The following SWT1 variants were observed in gnomAD, a reference collection of about 807,000 sequenced individuals.
The protein encoded by SWT1 is transcriptional protein SWT1.
SWT1 carries 33 observed loss-of-function variants against 107.3 expected under a neutral mutation model. That is an observed-to-expected ratio of 0.31 (90% CI 0.23 to 0.41). The LOEUF is 0.41. SWT1 is among the 10% of genes least tolerant of loss of function. SWT1 has a pLI of 1.00. For synonymous variants in SWT1, 345 were observed against 348.3 expected, an observed-to-expected ratio of 0.99 and a Z score of 0.11; for missense variants, 898 against 1,028.9, an observed-to-expected ratio of 0.87 and a Z score of 1.74.
chr1:185,178,475 T>C (rs1010693831), intron 5 of SWT1, among the ~76,000 whole-genome samples: 2 of 152,224 alleles, frequency 1.3e-5, no homozygotes, highest in African/African-American at 4.8e-5. Flanking sequence ...AGAACCATTA[T>C]TATCTTTGTT....
chr1:185,255,448 A>G (rs1490608938), intron 16 of SWT1, among the ~76,000 whole-genome samples: 1 of 135,796 alleles, frequency 7.4e-6, no homozygotes, highest in African/African-American at 3.1e-5. Flanking sequence ...GACTTGCTTT[A>G]TGAATCTTGG....
chr1:185,187,762 G>A (rs1656619861), intron 9 of SWT1, among the ~76,000 whole-genome samples: 1 of 152,046 alleles, frequency 6.6e-6, no homozygotes. Flanking sequence ...TCAGCTCACT[G>A]CAATCTCCGC....
Position 185,174,890 on chromosome 1 carries a change from T to A in SWT1, c.743T>A (p.Val248Glu). 1.2e-6 allele frequency: 2 copies of A among 1,614,078 alleles called. No individual in the cohort carries two copies. Among genetic ancestry groups the A allele is most frequent in the Non-Finnish European group, 1.7e-6 (2 of 1,179,988 alleles). The change falls in exon 5 of 19, where the codon GTA becomes GAA. Residue 248 changes from valine to glutamate, a missense_variant. Coordinates refer to ENST00000367500, the MANE Select transcript of SWT1 (RefSeq NM_017673.7). Reference protein sequence around the residue: ...IKSRDTLQKLVEENVFNIDSN... With the variant: ...IKSRDTLQKLEEENVFNIDSN... The stretch of plus-strand genomic sequence containing the variant: ...TCCCGTGACACCCTCCAGAAACTTG[T>A]AGAAGAAAATGTCTTCAACATAGAT...
chr1:185,162,056 A>G (rs1342438311), intron 2 of SWT1, among the ~76,000 whole-genome samples: 1 of 152,130 alleles, frequency 6.6e-6, no homozygotes, highest in Non-Finnish European at 1.5e-5. Flanking sequence ...CTGATTACAA[A>G]TTTGGTCTCG....
chr1:185,269,133 T>G (rs1358589349), intron 16 of SWT1, among the ~76,000 whole-genome samples: 1 of 152,212 alleles, frequency 6.6e-6, no homozygotes, highest in Non-Finnish European at 1.5e-5. Flanking sequence ...ATAACAGGCG[T>G]GAGCCACCGC....
At position 185,246,744 on chromosome 1, in the gene SWT1, C is replaced by G. The variant is rs1271082982; in HGVS notation, c.2441+15036C>G. On this transcript the variant is annotated intron_variant, in intron 16 of 18. Coordinates refer to ENST00000367500, the MANE Select transcript of SWT1 (RefSeq NM_017673.7). ...TCATGGTTTCAGGTGATTCTCCTGC[C>G]TCGGCCTCCTGAGTAGGAAGGACTA... 2.0e-5 allele frequency among the ~76,000 whole-genome samples: 3 copies of G among 150,476 alleles called. No individual in the cohort carries two copies. In the South Asian group the frequency reaches 6.3e-4, roughly 32 times the overall value.
intron 16 of SWT1, among the ~76,000 whole-genome samples, chr1:185,253,833 G>T (rs958881264): frequency 3.3e-5 from 5 of 151,486 alleles, no homozygotes; most frequent in Non-Finnish European, 7.3e-5. Context: ...GGAGTGGTGA[G>T]AGAGGGCATC....
chr1:185,249,111 T>G (rs983857882), intron 16 of SWT1, among the ~76,000 whole-genome samples: 7 of 152,148 alleles, frequency 4.6e-5, no homozygotes, highest in Admixed American at 2.6e-4. Flanking sequence ...AGAGGCTGGA[T>G]CTCCAGCCTC....
rs528023339 is a variant in SWT1, at chr1:185,214,069, A to G, written c.1973-438A>G. 4.3e-4 allele frequency among the ~76,000 whole-genome samples: 65 copies of G among 152,274 alleles called. No individual in the cohort carries two copies. The South Asian group carries it at 8.3e-3, about 19-fold the overall frequency. Reference sequence around the variant, plus strand: ...GTTGAAGATAAATCACTATGTAGATAGCTGAGGTGATGACGAGAGGTACCA... The same window carrying G: ...GTTGAAGATAAATCACTATGTAGATGGCTGAGGTGATGACGAGAGGTACCA... On this transcript the variant is annotated intron_variant, in intron 13 of 18. Transcript: ENST00000367500.
intron 16 of SWT1, among the ~76,000 whole-genome samples, chr1:185,257,490 GT>G (rs1193484323): frequency 6.6e-6 from 1 of 151,684 alleles, no homozygotes; most frequent in Non-Finnish European, 1.5e-5. Context: ...GTGGTGCGCC[GT>G]TTTTTAAGCC....
chr1:185,223,816 T>C (rs1646319159), intron 15 of SWT1, among the ~76,000 whole-genome samples: 1 of 152,126 alleles, frequency 6.6e-6, no homozygotes, highest in African/African-American at 2.4e-5. Context: ...CACCCTCCAA[T>C]AGGCCCCAGT....
intron 4 of SWT1, among the ~76,000 whole-genome samples, chr1:185,171,083 C>T (rs1655014508): frequency 6.6e-6 from 1 of 152,082 alleles, no homozygotes. Flanking sequence ...TCTACCTGCC[C>T]AATGGTTGTC....
rs1026373158 is a variant in SWT1 at position 185,261,202 on chromosome 1, A to G, written c.2442-10121A>G. The stretch of plus-strand genomic sequence containing the variant: ...AGTTTTCCATCCCCTTCAGCCCTTG[A>G]CAACCACCTGAATTTGACTACTTTA... On this transcript the variant is annotated intron_variant, in intron 16 of 18. Coordinates refer to ENST00000367500, the MANE Select transcript of SWT1 (RefSeq NM_017673.7). Among the ~76,000 whole-genome samples, 3 of 152,058 alleles carry G rather than the reference A, an allele frequency of 2.0e-5. No homozygotes were observed. In the East Asian group the frequency reaches 5.8e-4, roughly 29 times the overall value.
At chr1:185,196,227 C>G (rs1657376543) in intron 10 of SWT1, among the ~76,000 whole-genome samples, 1 of 152,180 alleles carries the variant, frequency 6.6e-6, no homozygotes, top group Non-Finnish European at 1.5e-5. Flanking sequence ...CCAGTTTTCC[C>G]AACACCATTT....
chr1:185,172,675 A>G (rs982624827), intron 4 of SWT1, among the ~76,000 whole-genome samples: 7 of 152,164 alleles, frequency 4.6e-5, no homozygotes, highest in Admixed American at 3.3e-4. Context: ...CATTTCTACC[A>G]GCAACATGTG....
intron 6 of SWT1, 30 bp from the exon 7 acceptor site, chr1:185,181,916 A>T: frequency 6.2e-7 from 1 of 1,612,388 alleles, no homozygotes; most frequent in Non-Finnish European, 8.5e-7. Flanking sequence ...AGTAACTCAA[A>T]ATATTTCACT....
rs1212200899 is a variant in SWT1, at chr1:185,174,949, G to C, written c.802G>C (p.Glu268Gln). Reference sequence around the variant, plus strand: ...TTCGAAGACTAAGCAGGAAGAAAGAGAATACCTGGAAAGCTCCCAGGTTTC... The same window carrying C: ...TTCGAAGACTAAGCAGGAAGAAAGACAATACCTGGAAAGCTCCCAGGTTTC... Reference protein sequence around the residue: ...NNSKTKQEEREYLESSQVSLN... With the variant: ...NNSKTKQEERQYLESSQVSLN... Residue 268 changes from glutamate to glutamine, a missense_variant, in exon 5 of 19, where the codon GAA becomes CAA. Physicochemically the swap from Glu to Gln is conservative, Grantham distance 29 (BLOSUM62 2). Coordinates refer to ENST00000367500, the MANE Select transcript of SWT1 (RefSeq NM_017673.7). The C allele has an allele frequency of 1.2e-6, 2 of 1,613,742 alleles. No homozygotes were observed. Among genetic ancestry groups the C allele is most frequent in the Admixed American group, 1.7e-5 (1 of 59,968 alleles).
chr1:185,208,654 A>G (rs749674201), intron 13 of SWT1, among the ~76,000 whole-genome samples: 3 of 150,946 alleles, frequency 2.0e-5, no homozygotes, highest in Non-Finnish European at 2.9e-5. Flanking sequence ...TAAATAAAGT[A>G]AGTCGATAAA....
chr1:185,160,735 A>G, intron 1 of SWT1, 98 bp from the exon 2 acceptor site: 1 of 819,820 alleles, frequency 1.2e-6, no homozygotes, highest in Non-Finnish European at 1.9e-6. Flanking sequence ...AAGTGATCAT[A>G]TTGTAAAACT....
Sources: gnomAD v4.1 joint callset for allele counts (sites outside exome capture counted in the v4.1 genomes callset) on GRCh38, gnomAD v4.1.1 for gene constraint, MANE v1.5 for transcripts, NCBI Gene and HGNC (gene_info 2026-07-23, HGNC 2026-07-21) for gene names.